NME7: variants seen among roughly 807,000 people sequenced by gnomAD.
NME7 encodes the protein NME/NM23 family member 7, also known as nucleoside diphosphate kinase 7.
NME7 carries 41 observed loss-of-function variants against 49.1 expected under a neutral mutation model. The observed-to-expected ratio is 0.83, with a 90% CI of 0.65 to 1.08. The LOEUF (loss-of-function observed/expected upper bound fraction) is 1.08. NME7 is among the 50% of genes least tolerant of loss of function. NME7 has a pLI of 0.00. For synonymous variants in NME7, 139 were observed against 150.6 expected (o/e 0.92, Z 0.56); for missense variants, 423 against 463.4 (o/e 0.91, Z 0.80).
At chr1:169,213,030 G>A (rs929979290) in intron 10 of NME7, among the ~76,000 whole-genome samples, 4 of 152,060 alleles carry the variant, frequency 2.6e-5, no homozygotes, top group Middle Eastern at 3.4e-3. Flanking sequence ...GCATAGTGCC[G>A]AAGAGCTGTC....
intron 1 of NME7, among the ~76,000 whole-genome samples, chr1:169,333,512 A>ATCAAAAGGATAAATGCT (rs71121761): frequency 0.24 from 36,674 of 152,152 alleles, 5,454 homozygotes; most frequent in Non-Finnish European, 0.34. Flanking sequence ...GGATAAATGT[A>ATCAAAAGGATAAATGCT]TCAAAAGGAT....
chr1:169,328,593 C>T (rs1201561140), intron 1 of NME7, among the ~76,000 whole-genome samples: 1 of 151,682 alleles, frequency 6.6e-6, no homozygotes, highest in Non-Finnish European at 1.5e-5. Flanking sequence ...TTATGATGGA[C>T]AAAAAAATGA....
intron 10 of NME7, among the ~76,000 whole-genome samples, chr1:169,202,183 T>TTTCA (rs1472727674): frequency 1.3e-5 from 2 of 152,190 alleles, no homozygotes; most frequent in East Asian, 3.9e-4. Flanking sequence ...AAATCTCATA[T>TTTCA]TGAATTGTAA....
intron 7 of NME7, among the ~76,000 whole-genome samples, chr1:169,258,434 ACATAT>A (rs1649052086): frequency 8.3e-6 from 1 of 119,780 alleles, no homozygotes; most frequent in African/African-American, 2.9e-5. Context: ...ATACACACAC[ACATAT>A]ATCTTCTCAT....
chr1:169,276,737 T>C (rs530862518), intron 7 of NME7, among the ~76,000 whole-genome samples: 1 of 132,566 alleles, frequency 7.5e-6, no homozygotes, highest in Non-Finnish European at 1.8e-5. Flanking sequence ...AGCTTTTGAA[T>C]GTTGTTTGCT....
chr1:169,168,850 G>A (rs1571259789), intron 11 of NME7: 2 of 455,954 alleles, frequency 4.4e-6, no homozygotes, highest in Middle Eastern at 3.3e-4. Flanking sequence ...AGGCTACAAA[G>A]TTCACCCAAG....
intron 7 of NME7, 153 bp downstream of exon 7, chr1:169,287,150 C>T (rs1269986898): frequency 9.4e-6 from 6 of 639,006 alleles, no homozygotes; most frequent in Non-Finnish European, 1.7e-5. Flanking sequence ...ACAGATTTTC[C>T]CTTATATTTT....
intron 10 of NME7, among the ~76,000 whole-genome samples, chr1:169,186,306 A>G (rs1267096585): frequency 6.6e-6 from 1 of 152,148 alleles, no homozygotes; most frequent in Non-Finnish European, 1.5e-5. Flanking sequence ...GGCTCTAGAC[A>G]CTATTTTGCA....
rs949702040 is a variant in NME7, at chr1:169,258,224, C to G, written c.755-20537G>C. 2.7e-4 allele frequency among the ~76,000 whole-genome samples: 34 copies of G among 127,094 alleles called. 5 individuals are homozygous for G. Among genetic ancestry groups the G allele is most frequent in the Admixed American group, 1.6e-3 (20 of 12,730 alleles). 83.4% of individuals were successfully genotyped at this position (127,094 alleles called of 152,430 possible). A position where few individuals can be genotyped will look rare whatever the true frequency, so the allele number is the denominator to read the frequency against. On this transcript the variant is annotated intron_variant, in intron 7 of 11. Transcript: ENST00000367811. ...TTGTGGCACGTGTCTGTAGTGCCAG[C>G]TGCTCTGCTTGGGAGGCTGAGGTGG...
chr1:169,317,128 A>C (rs367850995), intron 3 of NME7, among the ~76,000 whole-genome samples: 43 of 152,324 alleles, frequency 2.8e-4, no homozygotes, highest in African/African-American at 9.9e-4. Context: ...AATTGAAAAA[A>C]AACCTATATG....
chr1:169,167,773 C>T (rs529327472), intron 11 of NME7, among the ~76,000 whole-genome samples: 15 of 152,268 alleles, frequency 9.9e-5, no homozygotes, highest in African/African-American at 3.4e-4. Context: ...TGAATACCAG[C>T]CTATTGGAGT....
At chr1:169,198,061 C>T (rs995881662) in intron 10 of NME7, among the ~76,000 whole-genome samples, 5 of 151,960 alleles carry the variant, frequency 3.3e-5, no homozygotes, top group African/African-American at 1.2e-4. Flanking sequence ...ATAGGTATTT[C>T]TCCATGGAAG....
intron 10 of NME7, among the ~76,000 whole-genome samples, chr1:169,200,197 A>G (rs1202853483): frequency 6.6e-6 from 1 of 152,086 alleles, no homozygotes; most frequent in African/African-American, 2.4e-5. Flanking sequence ...ATATAACGTG[A>G]TAAGCAATAC....
At chr1:169,142,710 T>C (rs1305143362) in intron 11 of NME7, among the ~76,000 whole-genome samples, 1 of 152,146 alleles carries the variant, frequency 6.6e-6, no homozygotes, top group East Asian at 1.9e-4. Flanking sequence ...AGGTGTCGGA[T>C]TAGAATTTGA....
At chr1:169,247,962 TTAATA>T (rs1466915942) in intron 7 of NME7, among the ~76,000 whole-genome samples, 3 of 152,184 alleles carry the variant, frequency 2.0e-5, no homozygotes, top group African/African-American at 7.2e-5. Context: ...GCAAGTGTCT[TTAATA>T]TAATCACTTA....
chr1:169,253,410 T>A (rs541054890), intron 7 of NME7, among the ~76,000 whole-genome samples: 3 of 151,910 alleles, frequency 2.0e-5, no homozygotes, highest in South Asian at 4.2e-4. Context: ...GCACATTGAT[T>A]TTGTATCCTG....
intron 1 of NME7, among the ~76,000 whole-genome samples, chr1:169,353,725 C>T (rs1421830864): frequency 2.0e-5 from 3 of 151,906 alleles, no homozygotes; most frequent in Non-Finnish European, 2.9e-5. Flanking sequence ...AATAATCTGA[C>T]TAAAAATTGG....
Position 169,258,581 on chromosome 1 carries a change from T to C in NME7, c.755-20894A>G, listed in dbSNP as rs112791989. Reference sequence around the variant, plus strand: ...CATCTTATTATAAGAACACTGTTTCTTTTGTTTGTTTTAAATGGCTCTGAT... The same window carrying C: ...CATCTTATTATAAGAACACTGTTTCCTTTGTTTGTTTTAAATGGCTCTGAT... On this transcript the variant is annotated intron_variant, in intron 7 of 11. Coordinates refer to ENST00000367811, the MANE Select transcript of NME7 (RefSeq NM_013330.5). Among the ~76,000 whole-genome samples, 935 of 129,700 alleles carry C rather than the reference T, an allele frequency of 7.2e-3. 102 individuals carry two copies. The highest frequency in any genetic ancestry group is 0.023 in the African/African-American group (891 of 38,546). The allele number at this position is 129,700 out of a possible 152,430, so 85.1% of individuals were successfully genotyped here.
chr1:169,229,840 T>C (rs1647523924), intron 10 of NME7, among the ~76,000 whole-genome samples: 1 of 151,984 alleles, frequency 6.6e-6, no homozygotes, highest in African/African-American at 2.4e-5. Flanking sequence ...CACACACCTG[T>C]AGTCCCAGCT....
Sources: allele counts gnomAD v4.1 joint callset (sites outside exome capture counted in the v4.1 genomes callset), GRCh38; gene constraint gnomAD v4.1.1; transcripts MANE v1.5; gene names NCBI Gene and HGNC (gene_info 2026-07-23, HGNC 2026-07-21).